The following SLC35D1 variants were observed in gnomAD, a reference collection of about 807,000 sequenced individuals.
SLC35D1 encodes nucleotide sugar transporter SLC35D1.
A neutral mutation model predicts 46.7 loss-of-function variants in SLC35D1; 31 were observed. The ratio of observed to expected loss-of-function variants is 0.66; its 90% CI spans 0.50 to 0.90. SLC35D1 has a LOEUF of 0.90. Among genes scored for constraint, SLC35D1 ranks in the 40% least tolerant of loss-of-function variants. The probability of loss-of-function intolerance (pLI) is 0.00; values close to 1 mark genes in which losing one functional copy is unlikely to be tolerated. For synonymous variants in SLC35D1, 195 were observed against 164.6 expected (o/e 1.18, Z -1.41); for missense variants, 397 against 426.2 (o/e 0.93, Z 0.60).
chr1:67,047,918 C>T (rs1645268816), intron 6 of SLC35D1, among the ~76,000 whole-genome samples: 1 of 152,104 alleles, frequency 6.6e-6, no homozygotes, highest in South Asian at 2.1e-4. Context: ...CTCAATGAAC[C>T]TGTGAAGTAT....
chr1:67,004,437 C>A lies in SLC35D1; in HGVS notation c.971G>T (p.Ser324Ile). The change falls in exon 12 of 12, where the codon AGC becomes ATC. Residue 324 changes from serine to isoleucine, a missense_variant. Ser to Ile is a moderately radical substitution (Grantham distance 142). Transcript: ENST00000235345. ...FIGLNISIAGSLVYSYITFTE... is the reference protein window; with the variant it reads ...FIGLNISIAGILVYSYITFTE... ...GAAAGTGATATAGGAATATACCAGG[C>A]TCCCAGCAATGCTGCAAAACAGAAA... 6.2e-7 allele frequency: 1 copy of A among 1,613,914 alleles called. No homozygotes were observed. Among genetic ancestry groups the A allele is most frequent in the Non-Finnish European group, 8.5e-7 (1 of 1,179,894 alleles).
At chr1:66,973,017 C>CA in the SLC35D1 span, 1 of 1,325,458 alleles carries the variant, frequency 7.5e-7, no homozygotes, top group Non-Finnish European at 1.1e-6. Flanking sequence ...CTCTTTTTTG[C>CA]AAAAAGAAAT....
Position 67,053,784 on chromosome 1 carries a change from C to T in SLC35D1, c.203+27G>A, listed in dbSNP as rs371078619. 2.3e-4 allele frequency: 349 copies of T among 1,541,826 alleles called. 6 individuals are homozygous for T. The East Asian group carries it at 5.5e-3, about 24-fold the overall frequency. On this transcript the variant is annotated intron_variant, in intron 1 of 11. Coordinates refer to ENST00000235345, the MANE Select transcript of SLC35D1 (RefSeq NM_015139.3). The stretch of plus-strand genomic sequence containing the variant: ...GCCGCCGCCCGCTCCTCCTCCGCGG[C>T]CTGGGCCGCCGCCGCCTCGGCCCTA...
intron 10 of SLC35D1, among the ~76,000 whole-genome samples, chr1:67,014,082 T>C (rs2102256430): frequency 6.6e-6 from 1 of 152,304 alleles, no homozygotes; most frequent in East Asian, 1.9e-4. Flanking sequence ...AGATACTTTG[T>C]TGACCCTGTT....
At chr1:67,030,874 A>C (rs80143250) in intron 8 of SLC35D1, among the ~76,000 whole-genome samples, 2 of 152,322 alleles carry the variant, frequency 1.3e-5, no homozygotes, top group East Asian at 3.9e-4. Context: ...TGGTTTACCA[A>C]GTGCTTCTGC....
the SLC35D1 span, among the ~76,000 whole-genome samples, chr1:66,989,226 T>C: frequency 6.6e-6 from 1 of 152,186 alleles, no homozygotes; most frequent in African/African-American, 2.4e-5. Context: ...AATCGCCTGA[T>C]TTTCTGAAGT....
In SLC35D1 at chr1:67,049,852, T is replaced by C. The variant is rs1379367065; in HGVS notation, c.465-2A>G. ...TTAATACCCCAAGAAAAAGTCTTCC[T>C]ACAAAACAAAAAATTTTAAAATACA... is the stretch of plus-strand genomic sequence containing the variant. On this transcript the variant is annotated splice_acceptor_variant, in intron 5 of 11. Coordinates refer to ENST00000235345, the MANE Select transcript of SLC35D1 (RefSeq NM_015139.3). LOFTEE classifies it high-confidence loss of function. The C allele has an allele frequency of 6.2e-7, 1 of 1,611,656 alleles. No individual in the cohort carries two copies. Among genetic ancestry groups the C allele is most frequent in the African/African-American group, 1.3e-5 (1 of 74,986 alleles).
chr1:66,992,492 T>A, the SLC35D1 span, among the ~76,000 whole-genome samples: 1 of 152,216 alleles, frequency 6.6e-6, no homozygotes, highest in Non-Finnish European at 1.5e-5. Context: ...AATCCTCTTG[T>A]CTTACAGAAG....
intron 8 of SLC35D1, among the ~76,000 whole-genome samples, chr1:67,039,203 C>A (rs921164477): frequency 1.3e-5 from 2 of 152,148 alleles, no homozygotes; most frequent in African/African-American, 4.8e-5. Flanking sequence ...CAAGAGTCTG[C>A]AACTTAGGAT....
At chr1:67,022,715 ATAAAT>A (rs1667834735) in intron 8 of SLC35D1, among the ~76,000 whole-genome samples, 1 of 152,208 alleles carries the variant, frequency 6.6e-6, no homozygotes, top group South Asian at 2.1e-4. Context: ...TACATGAAAA[ATAAAT>A]TAATTTTAAG....
the SLC35D1 span, among the ~76,000 whole-genome samples, chr1:66,979,997 C>T: frequency 6.6e-6 from 1 of 152,074 alleles, no homozygotes; most frequent in Non-Finnish European, 1.5e-5. Context: ...CTCCCAACCT[C>T]AGGTGATCCA....
intron 8 of SLC35D1, among the ~76,000 whole-genome samples, chr1:67,041,342 G>C (rs1036487873): frequency 2.0e-5 from 3 of 152,138 alleles, no homozygotes; most frequent in Non-Finnish European, 2.9e-5. Context: ...AGGTATGATG[G>C]GGGGTGGGAA....
chr1:66,975,040 A>G, the SLC35D1 span, among the ~76,000 whole-genome samples: 1 of 152,212 alleles, frequency 6.6e-6, no homozygotes, highest in Non-Finnish European at 1.5e-5. Context: ...TGTCAGTCTC[A>G]GAGCAATATG....
Position 67,050,517 on chromosome 1 carries a change from A to G in SLC35D1, c.393-13T>C, listed in dbSNP as rs907351454. 1.1e-5 allele frequency: 17 copies of G among 1,605,518 alleles called. No homozygotes were observed. Among genetic ancestry groups the G allele is most frequent in the Admixed American group, 1.7e-5 (1 of 59,848 alleles). ...AAACATTGGCAAGCTGGAAAAAAAAAAGATAATTAGGTAAAATAGAATTTA... is the reference window on the plus strand; with the variant it reads ...AAACATTGGCAAGCTGGAAAAAAAAGAGATAATTAGGTAAAATAGAATTTA... On this transcript the variant is annotated splice_polypyrimidine_tract_variant and intron_variant, in intron 4 of 11. Coordinates refer to ENST00000235345, the MANE Select transcript of SLC35D1 (RefSeq NM_015139.3).
intron 8 of SLC35D1, among the ~76,000 whole-genome samples, chr1:67,025,567 T>C (rs2102295212): frequency 6.6e-6 from 1 of 152,324 alleles, no homozygotes; most frequent in Non-Finnish European, 1.5e-5. Flanking sequence ...TCCTTTGCAA[T>C]TCCACATAAA....
the SLC35D1 span, chr1:66,984,659 A>G: frequency 6.2e-7 from 1 of 1,613,998 alleles, no homozygotes; most frequent in Non-Finnish European, 8.5e-7. Flanking sequence ...ACAGGTGGAA[A>G]TAAGAAACCA....
chr1:67,050,295 T>C (rs1016902121), intron 5 of SLC35D1, 138 bp downstream of exon 5: 7 of 665,658 alleles, frequency 1.1e-5, no homozygotes, highest in Non-Finnish European at 1.9e-5. Context: ...AACTATCAAT[T>C]CCAGCAGCCA....
the SLC35D1 span, among the ~76,000 whole-genome samples, chr1:66,976,164 C>T: frequency 2.0e-5 from 3 of 152,040 alleles, no homozygotes; most frequent in African/African-American, 7.2e-5. Flanking sequence ...CCACCATGCC[C>T]GGCTAATTTT....
chr1:66,973,050 C>A, the SLC35D1 span: 3 of 872,436 alleles, frequency 3.4e-6, no homozygotes, highest in South Asian at 2.9e-5. Flanking sequence ...CTCAAATGGT[C>A]ATGTATCGTA....
Sources: gnomAD v4.1 joint callset for allele counts (sites outside exome capture counted in the v4.1 genomes callset) on GRCh38, gnomAD v4.1.1 for gene constraint, MANE v1.5 for transcripts, NCBI Gene and HGNC (gene_info 2026-07-23, HGNC 2026-07-21) for gene names.